Variants in SLC2A14 observed in about 807,000 individuals in gnomAD.
SLC2A14 encodes the protein solute carrier family 2 member 14.
In SLC2A14, 13 loss-of-function variants were observed where a neutral mutation model predicts 43.0. The observed-to-expected ratio is 0.30, with a 90% CI of 0.20 to 0.48. The LOEUF (loss-of-function observed/expected upper bound fraction) is 0.48. Among genes scored for constraint, SLC2A14 ranks in the 20% least tolerant of loss-of-function variants. The pLI, the probability that SLC2A14 is intolerant of heterozygous loss-of-function variation, is 0.99. For missense variants in SLC2A14, 428 were observed against 620.4 expected, an observed-to-expected ratio of 0.69 and a Z score of 3.29; for synonymous variants, 190 against 233.8, an observed-to-expected ratio of 0.81 and a Z score of 1.71.
rs150760119 is a variant in SLC2A14 at position 7,890,629 on chromosome 12, T to C, written c.132+367A>G. On this transcript the variant is annotated intron_variant, in intron 1 of 9. Coordinates refer to the SLC2A14 transcript ENST00000539924. ...ACAGGTTCCTAAACCTCAACTTTAT[T>C]CAAATTGCTTTCCTTGGCAAAGAAC... Among the ~76,000 whole-genome samples the C allele has an allele frequency of 8.6e-4, 131 of 152,282 alleles. 1 individual carries two copies. The highest frequency in any genetic ancestry group is 3.0e-3 in the African/African-American group (123 of 41,556).
chr12:7,815,678 G>C (rs1177900436), intron 10 of SLC2A14, among the ~76,000 whole-genome samples: 1 of 152,092 alleles, frequency 6.6e-6, no homozygotes, highest in Non-Finnish European at 1.5e-5. Flanking sequence ...CCAGGTTCAA[G>C]CGATTCTCCT....
At chr12:7,818,851 G>A (rs1172586222) in intron 9 of SLC2A14, among the ~76,000 whole-genome samples, 1 of 151,866 alleles carries the variant, frequency 6.6e-6, no homozygotes, top group Non-Finnish European at 1.5e-5. Context: ...CCATCTATGT[G>A]ATCTCATATA....
chr12:7,859,993 G>GGA lies in SLC2A14; in HGVS notation c.18+9869_18+9870insTC, dbSNP rs1390309491. Among the ~76,000 whole-genome samples the GGA allele has an allele frequency of 2.8e-3, 420 of 152,222 alleles. 1 individual carries two copies. The highest frequency in any genetic ancestry group is 9.8e-3 in the African/African-American group (406 of 41,528). On this transcript the variant is annotated intron_variant, in intron 2 of 10. Transcript: ENST00000431042. ...CAGAGAGATGCTATTACCAACCAAAGAGCTGACACTGCTCCACCCACGCCT... is the reference window on the plus strand; with the variant it reads ...CAGAGAGATGCTATTACCAACCAAAGGAAGCTGACACTGCTCCACCCACGCCT...
intron 2 of SLC2A14, among the ~76,000 whole-genome samples, chr12:7,866,614 C>T (rs1368305092): frequency 6.6e-6 from 1 of 152,142 alleles, no homozygotes; most frequent in Non-Finnish European, 1.5e-5. Context: ...GATCCACCCG[C>T]CTCAGCCTCC....
intron 7 of SLC2A14, among the ~76,000 whole-genome samples, chr12:7,821,983 C>T (rs774089601): frequency 6.6e-6 from 1 of 152,038 alleles, no homozygotes; most frequent in African/African-American, 2.4e-5. Context: ...TGCCACCAGG[C>T]CTGGCTAATT....
At chr12:7,837,471 C>T (rs1419845682) in intron 2 of SLC2A14, among the ~76,000 whole-genome samples, 1 of 151,890 alleles carries the variant, frequency 6.6e-6, no homozygotes, top group African/African-American at 2.4e-5. Context: ...GAAACAACAT[C>T]TCTACTAAAA....
At chr12:7,825,335 C>T (rs890748269) in intron 7 of SLC2A14, among the ~76,000 whole-genome samples, 1 of 150,412 alleles carries the variant, frequency 6.6e-6, no homozygotes, top group African/African-American at 2.4e-5. Flanking sequence ...TGTCGGCCGC[C>T]TGTAATTCCA....
rs766525812 is a variant in SLC2A14, at chr12:7,829,574, G to A, written c.513+192C>T. Among the ~76,000 whole-genome samples the A allele has an allele frequency of 1.1e-3, 171 of 151,248 alleles. 1 individual carries two copies. The highest frequency in any genetic ancestry group is 3.9e-3 in the African/African-American group (162 of 41,228). ...CCTCTCAAAAAAAAAAAAAGAAAAAGAAAAAAGGAAAAAAGAAATTGTGCT... is the reference window on the plus strand; with the variant it reads ...CCTCTCAAAAAAAAAAAAAGAAAAAAAAAAAAGGAAAAAAGAAATTGTGCT... On this transcript the variant is annotated intron_variant, in intron 5 of 10. Coordinates refer to ENST00000431042, the MANE Select transcript of SLC2A14 (RefSeq NM_001286234.2).
chr12:7,889,775 A>T (rs928255018), intron 1 of SLC2A14, among the ~76,000 whole-genome samples: 1 of 150,858 alleles, frequency 6.6e-6, no homozygotes, highest in African/African-American at 2.4e-5. Flanking sequence ...ACCTCAGGTG[A>T]TCCACCCGCC....
chr12:7,864,494 A>G (rs901411169), intron 2 of SLC2A14, among the ~76,000 whole-genome samples: 3 of 151,982 alleles, frequency 2.0e-5, no homozygotes, highest in Non-Finnish European at 1.5e-5. Context: ...GCGCACCACC[A>G]TGCCTGGCTA....
chr12:7,863,592 C>G (rs899607409), intron 2 of SLC2A14: 3 of 283,670 alleles, frequency 1.1e-5, no homozygotes, highest in Non-Finnish European at 2.1e-5. Flanking sequence ...ACTGCACTCC[C>G]GCCTGGGTGA....
At chr12:7,814,626 C>T (rs1464431851) in intron 10 of SLC2A14, 92 bp from the exon 11 acceptor site, 3 of 1,312,374 alleles carry the variant, frequency 2.3e-6, no homozygotes, top group Non-Finnish European at 3.1e-6. Context: ...CAATAGGCTT[C>T]AAGCTATAAC....
chr12:7,876,142 A>G (rs1301348982), upstream of SLC2A14, among the ~76,000 whole-genome samples: 1 of 151,534 alleles, frequency 6.6e-6, no homozygotes, highest in Non-Finnish European at 1.5e-5. Flanking sequence ...TTAGCCAGGC[A>G]TGCTGGCACA....
chr12:7,880,073 C>G lies in SLC2A14; in HGVS notation c.132+10923G>C, dbSNP rs1036625338. 9.3e-5 allele frequency among the ~76,000 whole-genome samples: 14 copies of G among 150,610 alleles called. No individual in the cohort carries two copies. In the South Asian group the frequency reaches 1.3e-3, roughly 14 times the overall value. ...ATCCCAGCACTTTGGGAGGCCGAGG[C>G]GGGTGGATCACCTGAGGTTGGGAGT... On this transcript the variant is annotated intron_variant, in intron 1 of 9. Coordinates refer to the SLC2A14 transcript ENST00000539924.
At chr12:7,891,040 T>G in exon 1 of SLC2A14, 3 of 1,534,970 alleles carry the variant, frequency 2.0e-6, no homozygotes, top group Non-Finnish European at 1.7e-6. Flanking sequence ...AGAGTGGAGG[T>G]CTGAGAAGAA....
intron 1 of SLC2A14, among the ~76,000 whole-genome samples, chr12:7,890,184 A>G (rs1945751174): frequency 6.6e-6 from 1 of 151,990 alleles, no homozygotes; most frequent in Non-Finnish European, 1.5e-5. Context: ...GCTCCTATTG[A>G]AGATGGAGTC....
chr12:7,848,373 CT>C (rs760435191), intron 2 of SLC2A14, among the ~76,000 whole-genome samples: 8 of 140,012 alleles, frequency 5.7e-5, no homozygotes, highest in African/African-American at 1.0e-4. Flanking sequence ...CTCAGATTGT[CT>C]TTTTTTTATT....
At chr12:7,834,188 C>CT (rs200866373) in intron 2 of SLC2A14, among the ~76,000 whole-genome samples, 2,410 of 147,912 alleles carry the variant, frequency 0.016, 63 homozygotes, top group African/African-American at 0.053. Flanking sequence ...CTTTGAGAGC[C>CT]TTTTTTTTTT....
chr12:7,857,444 C>T (rs1279832075), intron 2 of SLC2A14, among the ~76,000 whole-genome samples: 8 of 151,556 alleles, frequency 5.3e-5, no homozygotes, highest in African/African-American at 1.5e-4. Context: ...CAAAATTACC[C>T]GAGCGCAGTG....
Sources: allele counts gnomAD v4.1 joint callset (sites outside exome capture counted in the v4.1 genomes callset), GRCh38; gene constraint gnomAD v4.1.1; transcripts MANE v1.5; gene names NCBI Gene and HGNC (gene_info 2026-07-23, HGNC 2026-07-21).